Variants in ADAM12 observed in about 807,000 individuals in gnomAD.
ADAM12 encodes disintegrin and metalloproteinase domain-containing protein 12.
A neutral mutation model predicts 106.4 loss-of-function variants in ADAM12; 70 were observed. The observed-to-expected ratio is 0.66, with a 90% confidence interval of 0.54 to 0.80. The LOEUF (loss-of-function observed/expected upper bound fraction) is 0.80. Among genes scored for constraint, ADAM12 ranks in the 30% least tolerant of loss-of-function variants. The pLI is 0.00. For synonymous variants in ADAM12, 420 were observed against 433.5 expected (o/e 0.97, Z 0.39); for missense variants, 1,010 against 1,171.9 (o/e 0.86, Z 2.02).
intron 1 of ADAM12, among the ~76,000 whole-genome samples, chr10:126,332,526 TA>T (rs202017354): frequency 4.0e-5 from 6 of 151,472 alleles, no homozygotes; most frequent in African/African-American, 1.5e-4. Flanking sequence ...TATTTCAAAG[TA>T]AAAAAAAATT....
chr10:126,357,222 A>G (rs1268260486), intron 1 of ADAM12, among the ~76,000 whole-genome samples: 1 of 152,154 alleles, frequency 6.6e-6, no homozygotes, highest in African/African-American at 2.4e-5. Context: ...GATAAAAAAT[A>G]CTTTATATAC....
At chr10:126,288,303 C>T (rs1395705723) in intron 2 of ADAM12, among the ~76,000 whole-genome samples, 1 of 152,186 alleles carries the variant, frequency 6.6e-6, no homozygotes, top group Non-Finnish European at 1.5e-5. Context: ...GAATTTCTTA[C>T]ATTTGTACTT....
At chr10:126,061,791 G>A (rs1954760838) in intron 14 of ADAM12, among the ~76,000 whole-genome samples, 1 of 152,198 alleles carries the variant, frequency 6.6e-6, no homozygotes, top group Non-Finnish European at 1.5e-5. Flanking sequence ...GCCTCCCAAA[G>A]CAATGCTGCC....
chr10:126,248,972 C>T (rs552906728), intron 3 of ADAM12, among the ~76,000 whole-genome samples: 2 of 152,182 alleles, frequency 1.3e-5, no homozygotes, highest in African/African-American at 4.8e-5. Flanking sequence ...TCCTGAAGTG[C>T]TGGGATTACA....
rs113600988 is a variant in ADAM12, at chr10:126,304,914, T to C, written c.186+25498A>G. On this transcript the variant is annotated intron_variant, in intron 2 of 22. Transcript: ENST00000448723. ...TACCAATATCCAACCATTATAATGG[T>C]TGAGTTGAAGAAGACTGAATATACC... 5.1e-4 allele frequency among the ~76,000 whole-genome samples: 77 copies of C among 151,746 alleles called. 1 individual carries two copies. Among genetic ancestry groups the C allele is most frequent in the African/African-American group, 1.7e-3 (71 of 41,412 alleles).
intron 3 of ADAM12, among the ~76,000 whole-genome samples, chr10:126,168,365 T>G (rs1676746): frequency 6.6e-6 from 1 of 152,102 alleles, no homozygotes; most frequent in Non-Finnish European, 1.5e-5. Context: ...TGACTTTGAA[T>G]ATGAAATCCG....
intron 2 of ADAM12, among the ~76,000 whole-genome samples, chr10:126,315,699 C>A (rs1016163854): frequency 3.3e-5 from 5 of 152,092 alleles, no homozygotes; most frequent in African/African-American, 1.2e-4. Context: ...CCACCGAGAC[C>A]GTTCTGGAGA....
intron 3 of ADAM12, among the ~76,000 whole-genome samples, chr10:126,228,894 CAGTA>C (rs1228498355): frequency 1.3e-5 from 2 of 152,066 alleles, no homozygotes; most frequent in Admixed American, 1.3e-4. Context: ...TGATTAAATG[CAGTA>C]AGATTTTATA....
intron 2 of ADAM12, among the ~76,000 whole-genome samples, chr10:126,324,713 T>C (rs1228539335): frequency 2.6e-5 from 4 of 152,120 alleles, no homozygotes; most frequent in African/African-American, 9.7e-5. Context: ...GACAACCTTA[T>C]CTTCTAGGGA....
At chr10:126,349,547 A>G in intron 1 of ADAM12, among the ~76,000 whole-genome samples, 1 of 152,228 alleles carries the variant, frequency 6.6e-6, no homozygotes, top group Non-Finnish European at 1.5e-5. Context: ...CTGGTGCCAG[A>G]GGTGCCTGTT....
At chr10:126,148,581 T>G (rs539520307) in intron 4 of ADAM12, among the ~76,000 whole-genome samples, 1 of 152,304 alleles carries the variant, frequency 6.6e-6, no homozygotes, top group Non-Finnish European at 1.5e-5. Context: ...AACTGCTGGG[T>G]TAAAAGAAAA....
At chr10:126,262,558 C>T (rs1959023024) in intron 3 of ADAM12, among the ~76,000 whole-genome samples, 1 of 152,012 alleles carries the variant, frequency 6.6e-6, no homozygotes, top group South Asian at 2.1e-4. Context: ...GGTTTTGCTA[C>T]CAAAAAATAA....
intron 11 of ADAM12, among the ~76,000 whole-genome samples, chr10:126,082,363 G>GTTTTTTTTTTTTTTTTTTTTTTTT (rs5788763): frequency 1.2e-5 from 1 of 80,772 alleles, no homozygotes; most frequent in African/African-American, 5.3e-5. Context: ...TCTAATGACT[G>GTTTTTTTTTTTTTTTTTTTTTTTT]TTTTTTTTTT....
chr10:126,378,445 C>A (rs1590844155), intron 1 of ADAM12, among the ~76,000 whole-genome samples: 1 of 152,156 alleles, frequency 6.6e-6, no homozygotes, highest in Non-Finnish European at 1.5e-5. Context: ...GAACCAAGCA[C>A]ATATATGAAT....
chr10:126,121,169 ATATAC>A (rs1267643203), intron 5 of ADAM12, among the ~76,000 whole-genome samples: 14 of 102,658 alleles, frequency 1.4e-4, no homozygotes, highest in African/African-American at 5.8e-4. Flanking sequence ...TATATACTAT[ATATAC>A]TATATACACT....
chr10:126,186,947 G>A (rs2126744), intron 3 of ADAM12, among the ~76,000 whole-genome samples: 1 of 151,974 alleles, frequency 6.6e-6, no homozygotes. Flanking sequence ...GAGTCATCAT[G>A]AGCAAATATG....
At chr10:126,281,888 C>T (rs1959600534) in intron 2 of ADAM12, among the ~76,000 whole-genome samples, 1 of 152,038 alleles carries the variant, frequency 6.6e-6, no homozygotes, top group Non-Finnish European at 1.5e-5. Flanking sequence ...AAAGTACATC[C>T]AAGAGTATAT....
At chr10:126,356,416 T>C (rs1452726828) in intron 1 of ADAM12, among the ~76,000 whole-genome samples, 1 of 152,150 alleles carries the variant, frequency 6.6e-6, no homozygotes, top group African/African-American at 2.4e-5. Flanking sequence ...ATCTAGAGAA[T>C]GGAAAGCAAG....
chr10:126,056,626 T>TATCCAGTTGGCCA (rs1158928932), intron 14 of ADAM12, among the ~76,000 whole-genome samples: 10 of 104,126 alleles, frequency 9.6e-5, no homozygotes, highest in Middle Eastern at 5.2e-3. Context: ...TGCTTACTCT[T>TATCCAGTTGGCCA]GAGTGTGATA....
Sources: gnomAD v4.1 joint callset for allele counts (sites outside exome capture counted in the v4.1 genomes callset) on GRCh38, gnomAD v4.1.1 for gene constraint, MANE v1.5 for transcripts, NCBI Gene and HGNC (gene_info 2026-07-23, HGNC 2026-07-21) for gene names.